The following CSDE1 variants were observed in gnomAD, a reference collection of about 807,000 sequenced individuals.
The protein encoded by CSDE1 is cold shock domain containing E1, also known as cold shock domain-containing protein E1.
A neutral mutation model predicts 89.3 loss-of-function variants in CSDE1; 17 were observed. The ratio of observed to expected loss-of-function variants is 0.19; its 90% CI spans 0.13 to 0.29. The LOEUF (loss-of-function observed/expected upper bound fraction) is 0.29. Ranked by LOEUF, CSDE1 falls within the 10% of genes least tolerant of loss-of-function variation. The pLI is 1.00. For missense variants in CSDE1, 672 were observed against 984.2 expected, an observed-to-expected ratio of 0.68 and a Z score of 4.24; for synonymous variants, 322 against 332.8, an observed-to-expected ratio of 0.97 and a Z score of 0.35.
At chr1:114,722,309 T>C (rs1659573167) in intron 16 of CSDE1, among the ~76,000 whole-genome samples, 1 of 152,234 alleles carries the variant, frequency 6.6e-6, no homozygotes, top group Non-Finnish European at 1.5e-5. Context: ...ATAATTACCA[T>C]TTATGATGCA....
At chr1:114,736,892 G>A (rs1387558325) in intron 5 of CSDE1, 37 bp from the exon 6 acceptor site, 16 of 1,494,378 alleles carry the variant, frequency 1.1e-5, no homozygotes, top group Non-Finnish European at 1.4e-5. Context: ...ATTTTGGCAG[G>A]ATGCATATTC....
rs950189312 is a variant in CSDE1 at position 114,717,411 on chromosome 1, TTGTTTAAATA to T, written c.*748_*757del. The T allele has an allele frequency of 2.4e-4, 36 of 152,768 alleles. No homozygotes were observed. The highest frequency in any genetic ancestry group is 8.2e-4 in the African/African-American group (34 of 41,564). 9.5% of individuals were successfully genotyped at this position (152,768 alleles called of 1,614,324 possible). A position where few individuals can be genotyped will look rare whatever the true frequency, so the allele number is the denominator to read the frequency against. ...GTTTGTGCATTCATTTTTTTTGTTT[TTGTTTAAATA>T]TGTTTAAATTATCACACTGCTGGCA... On this transcript the variant is annotated 3_prime_UTR_variant, in exon 20 of 20. Transcript: ENST00000358528.
At chr1:114,736,905 T>A in intron 5 of CSDE1, 50 bp from the exon 6 acceptor site, 2 of 1,355,108 alleles carry the variant, frequency 1.5e-6, no homozygotes, top group Non-Finnish European at 2.1e-6. Flanking sequence ...GCATATTCAC[T>A]GTATACTGTG....
intron 1 of CSDE1, 80 bp from the exon 2 acceptor site, chr1:114,750,287 AT>A (rs1465075527): frequency 6.6e-6 from 1 of 152,242 alleles, no homozygotes; most frequent in African/African-American, 2.4e-5. Context: ...GGACAAACTC[AT>A]TTCATTAACT....
chr1:114,720,480 G>A, intron 17 of CSDE1, 59 bp downstream of exon 17: 1 of 1,403,048 alleles, frequency 7.1e-7, no homozygotes, highest in Non-Finnish European at 9.6e-7. Context: ...AATATTTGAA[G>A]GTTTTGGTTA....
chr1:114,738,661 C>CTTTTTTTTTTTTTTTTTT (rs752985259), intron 3 of CSDE1, among the ~76,000 whole-genome samples: 1 of 80,026 alleles, frequency 1.2e-5, no homozygotes, highest in Non-Finnish European at 2.4e-5. Context: ...CATGTAAAAA[C>CTTTTTTTTTTTTTTTTTT]TTTTTTTTTT....
chr1:114,754,659 G>C (rs139043521), intron 1 of CSDE1, among the ~76,000 whole-genome samples: 94 of 152,242 alleles, frequency 6.2e-4, no homozygotes, highest in African/African-American at 2.2e-3. Context: ...TGCTTAATAG[G>C]TCTTAATTCA....
chr1:114,757,141 A>G (rs1661644253), intron 1 of CSDE1, among the ~76,000 whole-genome samples: 1 of 152,200 alleles, frequency 6.6e-6, no homozygotes, highest in Admixed American at 6.5e-5. Flanking sequence ...CACGTGCCTA[A>G]AAGATTAGGG....
At chr1:114,739,193 A>G (rs1015121533) in intron 3 of CSDE1, among the ~76,000 whole-genome samples, 22 of 151,954 alleles carry the variant, frequency 1.4e-4, no homozygotes, top group Non-Finnish European at 1.9e-4. Context: ...CACCACGCCC[A>G]GCTAATTTTT....
Position 114,726,988 on chromosome 1 carries a change from C to G in CSDE1, c.1459G>C (p.Asp487His). 2 of 1,604,474 alleles carry G rather than the reference C, an allele frequency of 1.2e-6. No individual in the cohort carries two copies. Among genetic ancestry groups the G allele is most frequent in the Non-Finnish European group, 1.7e-6 (2 of 1,171,318 alleles). ...VEGSTSPQIG[D>H]KVEFSISDKQ... is the part of the protein sequence containing the mutation. ...AATGAGCAGAATTATCTTGCCTTAT[C>G]TCCTATTTGAGGAGAAGTAGATCCT... is the stretch of plus-strand genomic sequence containing the variant. The change falls in exon 13 of 20, where the codon GAT becomes CAT. Residue 487 changes from aspartate (D) to histidine (H), a missense_variant. Physicochemically the swap from Asp to His is moderately conservative, Grantham distance 81 (BLOSUM62 -1). This residue lies in a region of CSDE1 where 108 missense variants were observed against 105.0 expected (regional missense o/e 1.03). Coordinates refer to ENST00000358528, the MANE Select transcript of CSDE1 (RefSeq NM_001007553.3).
chr1:114,729,655 C>T (rs1659999766), intron 12 of CSDE1, among the ~76,000 whole-genome samples: 1 of 152,140 alleles, frequency 6.6e-6, no homozygotes, highest in South Asian at 2.1e-4. Flanking sequence ...ATCACATACC[C>T]TACCAGTTAA....
chr1:114,723,746 G>A (rs1358289378), intron 16 of CSDE1, 137 bp downstream of exon 16: 5 of 1,195,716 alleles, frequency 4.2e-6, no homozygotes, highest in Non-Finnish European at 6.0e-6. Context: ...TAAAAAGCAA[G>A]CATGAGAGAG....
At chr1:114,724,724 GTTAT>G (rs1481356648) in intron 15 of CSDE1, among the ~76,000 whole-genome samples, 1 of 151,968 alleles carries the variant, frequency 6.6e-6, no homozygotes, top group Non-Finnish European at 1.5e-5. Flanking sequence ...ATATCTTGGG[GTTAT>G]TTTTGTTTTT....
chr1:114,724,005 A>G lies in CSDE1; in HGVS notation c.1754-3T>C, dbSNP rs113112357. The G allele has an allele frequency of 3.7e-6, 6 of 1,611,974 alleles. No individual in the cohort carries two copies. The highest frequency in any genetic ancestry group is 5.1e-6 in the Non-Finnish European group (6 of 1,179,074). ...AGCTTCCTCAGTAATGCCATTCACT[A>G]CAAAACAAAGGCAGGTACATCTTTC... On this transcript the variant is annotated splice_polypyrimidine_tract_variant and splice_region_variant and intron_variant, in intron 15 of 19. Transcript: ENST00000358528.
intron 1 of CSDE1, among the ~76,000 whole-genome samples, chr1:114,755,655 C>A (rs1365934606): frequency 6.6e-6 from 1 of 152,212 alleles, no homozygotes; most frequent in Non-Finnish European, 1.5e-5. Flanking sequence ...TCACCACTTA[C>A]AACAGTCTAG....
At chr1:114,742,628 CAGA>C (rs1660791769) in intron 2 of CSDE1, among the ~76,000 whole-genome samples, 1 of 152,112 alleles carries the variant, frequency 6.6e-6, no homozygotes, top group African/African-American at 2.4e-5. Context: ...AAGATTCCCG[CAGA>C]AGAACCTCAG....
chr1:114,718,781 T>A, intron 18 of CSDE1, 36 bp from the exon 19 acceptor site: 1 of 1,607,036 alleles, frequency 6.2e-7, no homozygotes, highest in South Asian at 1.1e-5. Context: ...GAAACCACAC[T>A]TGGTGGGCAG....
chr1:114,726,886 C>T lies in CSDE1; in HGVS notation c.1464+97G>A, dbSNP rs1005484551. On this transcript the variant is annotated intron_variant, in intron 13 of 19. Transcript: ENST00000358528. ...TTTCTCTTAAACACAAAATATATTT[C>T]AGCAAAACTTGATAAAATTTGAAGA... is the stretch of plus-strand genomic sequence containing the variant. 27 of 730,556 alleles carry T rather than the reference C, an allele frequency of 3.7e-5. No homozygotes were observed. In the African/African-American group the frequency reaches 4.5e-4, roughly 12 times the overall value. The allele number at this position is 730,556 out of a possible 1,614,324, so 45.3% of individuals were successfully genotyped here.
chr1:114,720,844 T>A, intron 16 of CSDE1, 127 bp from the exon 17 acceptor site: 1 of 793,612 alleles, frequency 1.3e-6, no homozygotes, highest in Non-Finnish European at 1.9e-6. Flanking sequence ...TTTTCAGTAC[T>A]CAGAAGTTTC....
Sources: allele counts gnomAD v4.1 joint callset (sites outside exome capture counted in the v4.1 genomes callset), GRCh38; gene constraint gnomAD v4.1.1; regional missense constraint gnomAD v4.1.1; transcripts MANE v1.5; gene names NCBI Gene and HGNC (gene_info 2026-07-23, HGNC 2026-07-21).